KCMF1: variants seen among roughly 807,000 people sequenced by gnomAD.
The protein encoded by KCMF1 is potassium channel modulatory factor 1, also known as E3 ubiquitin-protein ligase KCMF1.
A neutral mutation model predicts 41.1 loss-of-function variants in KCMF1; 3 were observed. The ratio of observed to expected loss-of-function variants is 0.07; its 90% confidence interval spans 0.03 to 0.19. KCMF1 has a LOEUF of 0.19. Among genes scored for constraint, KCMF1 ranks in the 10% least tolerant of loss-of-function variants. The pLI is 1.00. For missense variants in KCMF1, 286 were observed against 488.9 expected (o/e 0.58, Z 3.91); for synonymous variants, 142 against 164.5 (o/e 0.86, Z 1.04).
At chr2:85,026,299 C>CT (rs76915217) in intron 1 of KCMF1, among the ~76,000 whole-genome samples, 2,442 of 145,350 alleles carry the variant, frequency 0.017, 28 homozygotes, top group South Asian at 0.065. Context: ...CATATTTTAA[C>CT]TTTTTTTTTT....
intron 1 of KCMF1, among the ~76,000 whole-genome samples, chr2:84,986,157 A>G (rs764143307): frequency 2.0e-4 from 30 of 152,214 alleles, no homozygotes; most frequent in Non-Finnish European, 3.1e-4. Context: ...TGTGCAAGGT[A>G]TTATGATAAG....
intron 3 of KCMF1, among the ~76,000 whole-genome samples, chr2:85,041,362 T>G (rs1675529943): frequency 6.6e-6 from 1 of 152,230 alleles, no homozygotes; most frequent in African/African-American, 2.4e-5. Context: ...ACTTGTTAAA[T>G]TATCTATCTT....
intron 1 of KCMF1, among the ~76,000 whole-genome samples, chr2:85,008,230 CATATT>C (rs138791318): frequency 1.8e-3 from 208 of 115,096 alleles, no homozygotes; most frequent in African/African-American, 5.0e-3. Flanking sequence ...AAATACATCA[CATATT>C]ATATTATATA....
chr2:84,998,853 C>A (rs1674241372), intron 1 of KCMF1, among the ~76,000 whole-genome samples: 1 of 151,218 alleles, frequency 6.6e-6, no homozygotes, highest in South Asian at 2.1e-4. Flanking sequence ...CTCAAGTGAT[C>A]CACCCAACTC....
intron 3 of KCMF1, among the ~76,000 whole-genome samples, chr2:85,035,822 C>T (rs1266077705): frequency 6.6e-6 from 1 of 152,198 alleles, no homozygotes; most frequent in Non-Finnish European, 1.5e-5. Context: ...GTCTCTCCCC[C>T]ACCTCTTTAC....
chr2:85,048,183 A>G (rs1038213476), intron 5 of KCMF1, among the ~76,000 whole-genome samples: 13 of 152,256 alleles, frequency 8.5e-5, no homozygotes, highest in African/African-American at 3.1e-4. Context: ...TATACCATAT[A>G]AAATTTTAAT....
chr2:84,982,343 G>C (rs1181617751), intron 1 of KCMF1, among the ~76,000 whole-genome samples: 1 of 147,156 alleles, frequency 6.8e-6, no homozygotes, highest in Non-Finnish European at 1.5e-5. Context: ...TTGAAGTAGA[G>C]CAGGCAGGGA....
chr2:85,004,844 T>C (rs1293985585), intron 1 of KCMF1, among the ~76,000 whole-genome samples: 1 of 152,084 alleles, frequency 6.6e-6, no homozygotes, highest in African/African-American at 2.4e-5. Context: ...TATTTATTTA[T>C]TTATTTTTGA....
At chr2:85,024,590 G>C (rs1330268632) in intron 1 of KCMF1, among the ~76,000 whole-genome samples, 3 of 151,752 alleles carry the variant, frequency 2.0e-5, no homozygotes, top group African/African-American at 7.3e-5. Context: ...GAGAGTGTGT[G>C]TGTGTGTGTG....
In KCMF1 at chr2:85,056,065, T is replaced by A. The variant is rs1225822743; in HGVS notation, c.*2656T>A. The A allele has an allele frequency of 6.6e-6, 1 of 152,078 alleles. No homozygotes were observed. Among genetic ancestry groups the A allele is most frequent in the Non-Finnish European group, 1.5e-5 (1 of 68,016 alleles). The allele number at this position is 152,078 out of a possible 1,614,324, so 9.4% of individuals were successfully genotyped here. On this transcript the variant is annotated 3_prime_UTR_variant, in exon 7 of 7. Transcript: ENST00000409785. ...GGCTGCAATCATAAGACAGAATTTC[T>A]GTGGTTGGCTACCGTGAAATCTTTG...
intron 1 of KCMF1, among the ~76,000 whole-genome samples, chr2:85,009,778 A>C (rs1373826620): frequency 6.6e-6 from 1 of 152,188 alleles, no homozygotes; most frequent in Non-Finnish European, 1.5e-5. Context: ...TGGGGGTCAG[A>C]GACCCTCTTT....
intron 1 of KCMF1, among the ~76,000 whole-genome samples, chr2:84,979,336 A>G (rs909364734): frequency 7.2e-5 from 11 of 152,150 alleles, no homozygotes; most frequent in African/African-American, 2.7e-4. Context: ...CAGCCTGGCC[A>G]ACATAGTGAA....
At chr2:85,037,811 C>T (rs775488781) in intron 3 of KCMF1, among the ~76,000 whole-genome samples, 18 of 152,184 alleles carry the variant, frequency 1.2e-4, no homozygotes, top group Admixed American at 2.6e-4. Context: ...GACTAATACC[C>T]GTCCATGACC....
chr2:85,049,170 C>T (rs991953951), intron 5 of KCMF1, among the ~76,000 whole-genome samples, 196 bp from the exon 6 acceptor site: 2 of 152,242 alleles, frequency 1.3e-5, no homozygotes, highest in Admixed American at 6.5e-5. Flanking sequence ...TATTCGTATG[C>T]ATTTGCATTC....
chr2:84,991,236 CA>C (rs112861243), intron 1 of KCMF1, among the ~76,000 whole-genome samples: 2,666 of 152,106 alleles, frequency 0.018, 62 homozygotes, highest in African/African-American at 0.061. Context: ...AGAAGAGGGC[CA>C]TTTACTGACA....
At chr2:85,048,318 C>T (rs895712776) in intron 5 of KCMF1, among the ~76,000 whole-genome samples, 1 of 152,090 alleles carries the variant, frequency 6.6e-6, no homozygotes, top group Non-Finnish European at 1.5e-5. Flanking sequence ...TGGTGGCAGG[C>T]ACTAAAAATT....
At chr2:84,998,842 C>G (rs2103986835) in intron 1 of KCMF1, among the ~76,000 whole-genome samples, 1 of 151,094 alleles carries the variant, frequency 6.6e-6, no homozygotes, top group Non-Finnish European at 1.5e-5. Context: ...GAACTCCTGA[C>G]CTCAAGTGAT....
In KCMF1 at chr2:85,056,120, A is replaced by T. The variant is rs1244215594; in HGVS notation, c.*2711A>T. The T allele has an allele frequency of 2.0e-5, 3 of 152,156 alleles. No individual in the cohort carries two copies. Among genetic ancestry groups the T allele is most frequent in the Admixed American group, 6.6e-5 (1 of 15,262 alleles). 9.4% of individuals were successfully genotyped at this position (152,156 alleles called of 1,614,324 possible). Reference sequence around the variant, plus strand: ...TATATTGCATTGTTTTGTTAAAAAAAAAAAAATCCACAGAAGTAGAACCTA... The same window carrying T: ...TATATTGCATTGTTTTGTTAAAAAATAAAAAATCCACAGAAGTAGAACCTA... On this transcript the variant is annotated 3_prime_UTR_variant, in exon 7 of 7. Transcript: ENST00000409785.
intron 1 of KCMF1, 52 bp downstream of exon 1, chr2:84,971,519 G>T (rs1317616451): frequency 6.5e-6 from 7 of 1,084,806 alleles, no homozygotes; most frequent in East Asian, 9.7e-5. Flanking sequence ...GGCCTACCCC[G>T]CCCGGGCCGG....
Sources: gnomAD v4.1 joint callset for allele counts (sites outside exome capture counted in the v4.1 genomes callset) on GRCh38, gnomAD v4.1.1 for gene constraint, MANE v1.5 for transcripts, NCBI Gene and HGNC (gene_info 2026-07-23, HGNC 2026-07-21) for gene names.